The following LHFPL3 variants were observed in gnomAD, a reference collection of about 807,000 sequenced individuals.
LHFPL3 encodes LHFPL tetraspan subfamily member 3 protein.
LHFPL3 carries 5 observed loss-of-function variants against 19.3 expected under a neutral mutation model. That is an observed-to-expected ratio of 0.26 (90% CI 0.14 to 0.54). The LOEUF is 0.54. Among genes scored for constraint, LHFPL3 ranks in the 20% least tolerant of loss-of-function variants. The pLI is 0.94. For synonymous variants in LHFPL3, 133 were observed against 126.2 expected, an observed-to-expected ratio of 1.05 and a Z score of -0.36; for missense variants, 249 against 307.4, an observed-to-expected ratio of 0.81 and a Z score of 1.42.
At chr7:104,448,658 A>G (rs1341273807) in intron 1 of LHFPL3, among the ~76,000 whole-genome samples, 1 of 152,174 alleles carries the variant, frequency 6.6e-6, no homozygotes, top group Non-Finnish European at 1.5e-5. Flanking sequence ...TCAATGTAAA[A>G]ATCACTTAGT....
chr7:104,431,916 G>T (rs1443161414), intron 1 of LHFPL3, among the ~76,000 whole-genome samples: 1 of 152,150 alleles, frequency 6.6e-6, no homozygotes, highest in Non-Finnish European at 1.5e-5. Flanking sequence ...GTTTGACTGG[G>T]AGAGGAGGTA....
At chr7:104,753,407 G>A (rs560582780) in intron 2 of LHFPL3, among the ~76,000 whole-genome samples, 11 of 152,014 alleles carry the variant, frequency 7.2e-5, no homozygotes, top group Non-Finnish European at 1.5e-4. Flanking sequence ...ATATTTAAAG[G>A]GGAAATAATA....
intron 1 of LHFPL3, among the ~76,000 whole-genome samples, chr7:104,613,083 T>C (rs997688287): frequency 6.6e-6 from 1 of 152,226 alleles, no homozygotes; most frequent in African/African-American, 2.4e-5. Context: ...AGTTAACTTT[T>C]GTGTACTGGT....
chr7:104,536,345 G>A (rs1285487173), intron 1 of LHFPL3, among the ~76,000 whole-genome samples: 1 of 152,162 alleles, frequency 6.6e-6, no homozygotes, highest in African/African-American at 2.4e-5. Context: ...GGATGTGAGA[G>A]GATGGTGATA....
intron 1 of LHFPL3, among the ~76,000 whole-genome samples, chr7:104,598,033 A>G (rs998507877): frequency 6.6e-6 from 1 of 152,178 alleles, no homozygotes; most frequent in Admixed American, 6.5e-5. Flanking sequence ...TTGCTGTTTT[A>G]CAAAAATTTT....
intron 1 of LHFPL3, among the ~76,000 whole-genome samples, chr7:104,524,996 T>C (rs1019043938): frequency 6.6e-6 from 1 of 152,232 alleles, no homozygotes; most frequent in Non-Finnish European, 1.5e-5. Context: ...AAATGTGCTG[T>C]GACCATATGC....
At chr7:104,576,602 C>A (rs1790343464) in intron 1 of LHFPL3, among the ~76,000 whole-genome samples, 1 of 152,140 alleles carries the variant, frequency 6.6e-6, no homozygotes, top group South Asian at 2.1e-4. Flanking sequence ...CCAGGGCAGA[C>A]CTATTGATCC....
chr7:104,870,617 C>T (rs1000049583), intron 2 of LHFPL3, among the ~76,000 whole-genome samples: 19 of 152,126 alleles, frequency 1.2e-4, no homozygotes, highest in African/African-American at 4.6e-4. Context: ...AAAACTTTCC[C>T]ACCCAAAAAG....
chr7:104,900,965 CCT>C (rs905109772), intron 2 of LHFPL3, among the ~76,000 whole-genome samples: 3 of 152,166 alleles, frequency 2.0e-5, no homozygotes, highest in African/African-American at 4.8e-5. Context: ...AATTACCTCC[CCT>C]GATAGGCAAC....
chr7:104,629,079 A>G (rs1791596718), intron 1 of LHFPL3, among the ~76,000 whole-genome samples: 1 of 152,200 alleles, frequency 6.6e-6, no homozygotes, highest in Non-Finnish European at 1.5e-5. Flanking sequence ...CCTTTTGTAT[A>G]ACTACAATAT....
rs1240409935 is a variant in LHFPL3 at position 104,586,995 on chromosome 7, G to C, written c.446-149680G>C. On this transcript the variant is annotated intron_variant, in intron 1 of 2. Coordinates refer to ENST00000424859, the MANE Select transcript of LHFPL3 (RefSeq NM_199000.3). ...TAAGACAGAAACTTACTGTATATGA[G>C]TGTGAAACAAAGAGAAAAAGAAAAA... Among the ~76,000 whole-genome samples the C allele has an allele frequency of 2.0e-5, 3 of 152,120 alleles. No individual in the cohort carries two copies. The East Asian group carries it at 5.8e-4, about 29-fold the overall frequency.
chr7:104,846,119 T>TAC (rs1436643631), intron 2 of LHFPL3, among the ~76,000 whole-genome samples: 2 of 152,194 alleles, frequency 1.3e-5, no homozygotes, highest in African/African-American at 4.8e-5. Flanking sequence ...TGTTCACACA[T>TAC]ACACACACAT....
intron 1 of LHFPL3, among the ~76,000 whole-genome samples, chr7:104,713,460 C>A (rs1434663072): frequency 6.6e-6 from 1 of 152,038 alleles, no homozygotes; most frequent in Non-Finnish European, 1.5e-5. Context: ...TCTTACATGG[C>A]CAGAGCAGAA....
chr7:104,547,099 G>T lies in LHFPL3; in HGVS notation c.446-189576G>T, dbSNP rs1385615166. Among the ~76,000 whole-genome samples the T allele has an allele frequency of 2.5e-4, 19 of 77,542 alleles. 6 individuals are homozygous for T. The highest frequency in any genetic ancestry group is 7.4e-4 in the African/African-American group (17 of 23,010). The allele number at this position is 77,542 out of a possible 152,430, so 50.9% of individuals were successfully genotyped here. On this transcript the variant is annotated intron_variant, in intron 1 of 2. Transcript: ENST00000424859. ...AAAATACAAAAAATTAGCCGGGCGC[G>T]GTGGCGGGCGCCTGTAGTCCCAGCT...
In LHFPL3 at chr7:104,399,391, G is replaced by C. The variant is rs1047763617; in HGVS notation, c.445+70167G>C. Among the ~76,000 whole-genome samples, 7 of 151,924 alleles carry C rather than the reference G, an allele frequency of 4.6e-5. No individual in the cohort carries two copies. Among genetic ancestry groups the C allele is most frequent in the African/African-American group, 1.7e-4 (7 of 41,354 alleles). On this transcript the variant is annotated intron_variant, in intron 1 of 2. Transcript: ENST00000424859. This position sits in a 1 kb window ranked among gnomAD's most constrained non-coding sequence, Gnocchi z 4.4. ...TTTCCCATTTATCCTGTAACTGGAT[G>C]GGATCAGAGTAAATTACCTGGAAAT...
Position 104,454,636 on chromosome 7 carries a change from G to T in LHFPL3, c.445+125412G>T, listed in dbSNP as rs74890078. Among the ~76,000 whole-genome samples the T allele has an allele frequency of 5.4e-3, 828 of 152,218 alleles. 48 individuals are homozygous for T. The East Asian group carries it at 0.13, about 24-fold the overall frequency. On this transcript the variant is annotated intron_variant, in intron 1 of 2. Coordinates refer to ENST00000424859, the MANE Select transcript of LHFPL3 (RefSeq NM_199000.3). ...AGACTCTGTCTTCACCTGTAAAATGGGGATAGTAACTGTTCAGGGTTATTG... is the reference window on the plus strand; with the variant it reads ...AGACTCTGTCTTCACCTGTAAAATGTGGATAGTAACTGTTCAGGGTTATTG...
chr7:104,770,069 C>A (rs142928807), intron 2 of LHFPL3, among the ~76,000 whole-genome samples: 68 of 152,180 alleles, frequency 4.5e-4, no homozygotes, highest in African/African-American at 1.6e-3. Context: ...CCCAAACCCC[C>A]ATTTACCTTT....
intron 2 of LHFPL3, among the ~76,000 whole-genome samples, chr7:104,779,480 T>C (rs1794684398): frequency 6.6e-6 from 1 of 151,942 alleles, no homozygotes; most frequent in African/African-American, 2.4e-5. Context: ...TCCATGGGAG[T>C]CTGTGACGCC....
chr7:104,649,370 A>G (rs1179057485), intron 1 of LHFPL3, among the ~76,000 whole-genome samples: 1 of 152,228 alleles, frequency 6.6e-6, no homozygotes, highest in Non-Finnish European at 1.5e-5. Flanking sequence ...AGGACTTCCC[A>G]GAGGAGGTGG....
Sources: allele counts gnomAD v4.1 joint callset (sites outside exome capture counted in the v4.1 genomes callset), GRCh38; gene constraint gnomAD v4.1.1; non-coding constraint Gnocchi (gnomAD v3.1); transcripts MANE v1.5; gene names NCBI Gene and HGNC (gene_info 2026-07-23, HGNC 2026-07-21).